Variants in GUCY2D observed in about 807,000 individuals in gnomAD.
The protein encoded by GUCY2D is guanylate cyclase 2D, retinal, also known as retinal guanylyl cyclase 1.
GUCY2D carries 70 observed loss-of-function variants against 101.3 expected under a neutral mutation model. The ratio of observed to expected loss-of-function variants is 0.69; its 90% CI spans 0.57 to 0.84. The LOEUF (loss-of-function observed/expected upper bound fraction) is 0.84, where lower values mean the gene tolerates loss of function less well. GUCY2D is among the 40% of genes least tolerant of loss of function. The pLI is 0.00. For missense variants in GUCY2D, 1,460 were observed against 1,542.5 expected (o/e 0.95, Z 0.90); for synonymous variants, 688 against 670.7 (o/e 1.03, Z -0.40).
chr17:8,003,143 C>G lies in GUCY2D; in HGVS notation c.96C>G (p.Ala32=). 6.6e-7 allele frequency: 1 copy of G among 1,509,518 alleles called. No individual in the cohort carries two copies. The highest frequency in any genetic ancestry group is 2.6e-5 in the East Asian group (1 of 38,300). 93.5% of individuals were successfully genotyped at this position (1,509,518 alleles called of 1,614,324 possible). The change falls in exon 2 of 20, where the codon GCC becomes GCG. Residue 32 remains alanine (A), a synonymous_variant. Coordinates refer to ENST00000254854, the MANE Select transcript of GUCY2D (RefSeq NM_000180.4). The part of the protein sequence containing the change: ...WAPSLPRLPR[A]LPRLPLLLLL... ...CGTCCCTGCCCCGCCTCCCCCGGGC[C>G]CTGCCCCGGCTCCCGCTCCTGCTGC...
rs61750185 is a variant in GUCY2D, at chr17:8,015,500, CG to C, written c.2944+1del. On this transcript the variant is annotated frameshift_variant and splice_region_variant, in exon 15 of 20. Transcript: ENST00000254854. LOFTEE classifies it high-confidence loss of function. ...GTGCGCATCCGCATAGGCCTGCACT[CG>C]GGTAACTCCCGGGTCTTCCCAGGCT... ...VPVRIRIGLH[S>X]GPCVAGVVGL... 361 of 1,610,570 alleles carry C rather than the reference CG, an allele frequency of 2.2e-4. 1 individual carries two copies. The highest frequency in any genetic ancestry group is 7.5e-5 in the Non-Finnish European group (88 of 1,179,004).
rs1421146833 is a variant in GUCY2D at position 8,003,082 on chromosome 17, C to T, written c.35C>T (p.Pro12Leu). 1.3e-6 allele frequency: 2 copies of T among 1,525,716 alleles called. No individual in the cohort carries two copies. The highest frequency in any genetic ancestry group is 2.0e-5 in the Admixed American group (1 of 50,150). 94.5% of individuals were successfully genotyped at this position (1,525,716 alleles called of 1,614,324 possible). A position where few individuals can be genotyped will look rare whatever the true frequency, so the allele number is the denominator to read the frequency against. ...TGCGCCCGCCGAGCGGGTGGGCTTC[C>T]GGACCCCGGGCTCTGCGGTCCCGCG... ...TACARRAGGL[P>L]DPGLCGPAWW... The change falls in exon 2 of 20, where the codon CCG becomes CTG. Residue 12 changes from proline to leucine, a missense_variant. Transcript: ENST00000254854.
In GUCY2D at chr17:8,014,349, G is replaced by A; in HGVS notation, c.2413-252G>A. ...GCCTGGGAGCCCAACGATTGGGCTG[G>A]CTCCAGTGCCCTGTCAATTACTAGC... On this transcript the variant is annotated intron_variant, in intron 12 of 19. Transcript: ENST00000254854. The surrounding 1 kb of genome is among the most constrained non-coding windows in gnomAD (Gnocchi z 4.0). 1 of 605,642 alleles carries A rather than the reference G, an allele frequency of 1.7e-6. No homozygotes were observed. The highest frequency in any genetic ancestry group is 2.9e-6 in the Non-Finnish European group (1 of 339,202). The allele number at this position is 605,642 out of a possible 1,614,324, so 37.5% of individuals were successfully genotyped here.
rs1243612187 is a variant in GUCY2D, at chr17:8,002,916, G to A, written c.-9-123G>A. On this transcript the variant is annotated intron_variant, in intron 1 of 19. Coordinates refer to ENST00000254854, the MANE Select transcript of GUCY2D (RefSeq NM_000180.4). This position sits in a 1 kb window ranked among gnomAD's most constrained non-coding sequence, Gnocchi z 4.9. ...CCAGTTAGTCTTCCCAGCCTCCGGA[G>A]GGGGCGGTAGCAGCAGAATCATCCC... The A allele has an allele frequency of 1.3e-5, 9 of 708,574 alleles. No homozygotes were observed. Among genetic ancestry groups the A allele is most frequent in the African/African-American group, 5.6e-5 (3 of 53,192 alleles). 43.9% of individuals were successfully genotyped at this position (708,574 alleles called of 1,614,324 possible).
chr17:8,007,815 C>T, intron 6 of GUCY2D, 116 bp from the exon 7 acceptor site: 1 of 728,410 alleles, frequency 1.4e-6, no homozygotes. Context: ...ATCACCTTCC[C>T]TCATTGAGAT....
intron 8 of GUCY2D, among the ~76,000 whole-genome samples, chr17:8,010,681 G>A (rs187098034): frequency 2.6e-5 from 4 of 151,864 alleles, no homozygotes; most frequent in Admixed American, 1.3e-4. Flanking sequence ...GGTGGCGGGC[G>A]CCTGTAGTCC....
In GUCY2D at chr17:8,012,457, G is replaced by T. The variant is rs750399947; in HGVS notation, c.1964G>T (p.Arg655Met). The T allele has an allele frequency of 6.2e-7, 1 of 1,613,964 alleles. No individual in the cohort carries two copies. The highest frequency in any genetic ancestry group is 1.3e-5 in the African/African-American group (1 of 74,920). Reference sequence around the variant, plus strand: ...TACCCTACCCATTCCAAGGGAATAAGGTATCTGCACCATCGAGGCGTGGCT... The same window carrying T: ...TACCCTACCCATTCCAAGGGAATAATGTATCTGCACCATCGAGGCGTGGCT... ...SLLLDLIKGI[R>M]YLHHRGVAHG... The change falls in exon 10 of 20, where the codon AGG (arginine) becomes ATG (methionine). Residue 655 changes from arginine to methionine, a missense_variant. Arg to Met is a moderately conservative substitution (Grantham distance 91). Transcript: ENST00000254854.
chr17:8,016,035 C>G lies in GUCY2D; in HGVS notation c.3138+14C>G. ...ACGGAGCTGAAGGTGAGGCAGGGCC[C>G]CAACCCCTCCCGGAGGCCCCGCCCT... On this transcript the variant is annotated intron_variant, in intron 17 of 19. Transcript: ENST00000254854. 6.3e-7 allele frequency: 1 copy of G among 1,590,330 alleles called. No individual in the cohort carries two copies. Among genetic ancestry groups the G allele is most frequent in the Non-Finnish European group, 8.6e-7 (1 of 1,167,136 alleles).
chr17:8,002,972 G>A lies in GUCY2D; in HGVS notation c.-9-67G>A, dbSNP rs1975653908. On this transcript the variant is annotated intron_variant, in intron 1 of 19. Coordinates refer to ENST00000254854, the MANE Select transcript of GUCY2D (RefSeq NM_000180.4). The surrounding 1 kb of genome is among the most constrained non-coding windows in gnomAD (Gnocchi z 4.9). ...TTACTCGGGCTTGGAGAAACTCGGG[G>A]TTACGGGGAGAACCCTAGGGGAGGC... 3 of 1,258,974 alleles carry A rather than the reference G, an allele frequency of 2.4e-6. No individual in the cohort carries two copies. Among genetic ancestry groups the A allele is most frequent in the Non-Finnish European group, 3.3e-6 (3 of 913,824 alleles). 78.0% of individuals were successfully genotyped at this position (1,258,974 alleles called of 1,614,324 possible). A position where few individuals can be genotyped will look rare whatever the true frequency, so the allele number is the denominator to read the frequency against.
Position 8,006,713 on chromosome 17 carries a change from A to T in GUCY2D, c.1377A>T (p.Gly459=). The T allele has an allele frequency of 6.2e-7, 1 of 1,600,480 alleles. No homozygotes were observed. The highest frequency in any genetic ancestry group is 8.5e-7 in the Non-Finnish European group (1 of 1,172,820). ...CWFDPNNICG[G]GLEPGLVFLG... Reference sequence around the variant, plus strand: ...TCGATCCAAACAACATCTGCGGTGGAGGTGAGGGCGAGCACCCCAGTCCCC... The same window carrying T: ...TCGATCCAAACAACATCTGCGGTGGTGGTGAGGGCGAGCACCCCAGTCCCC... Residue 459 remains glycine, a splice_region_variant and synonymous_variant, in exon 4 of 20, where the codon GGA becomes GGT. Coordinates refer to ENST00000254854, the MANE Select transcript of GUCY2D (RefSeq NM_000180.4).
In GUCY2D at chr17:8,002,978, G is replaced by A. The variant is rs879364904; in HGVS notation, c.-9-61G>A. On this transcript the variant is annotated intron_variant, in intron 1 of 19. Transcript: ENST00000254854. This position sits in a 1 kb window ranked among gnomAD's most constrained non-coding sequence, Gnocchi z 4.9. ...GGGCTTGGAGAAACTCGGGGTTACG[G>A]GGAGAACCCTAGGGGAGGCCGGGGT... 2.3e-5 allele frequency: 30 copies of A among 1,310,256 alleles called. No individual in the cohort carries two copies. The highest frequency in any genetic ancestry group is 2.8e-5 in the Non-Finnish European group (27 of 956,400). 81.2% of individuals were successfully genotyped at this position (1,310,256 alleles called of 1,614,324 possible). A position where few individuals can be genotyped will look rare whatever the true frequency, so the allele number is the denominator to read the frequency against.
At position 8,006,624 on chromosome 17, in the gene GUCY2D, G is replaced by A. The variant is rs147586061; in HGVS notation, c.1288G>A (p.Ala430Thr). ...TCCTGCCCGGGGCTCCTTCCTCTCC[G>A]CCGGTACCCGGATGCACTTCCCGCG... ...LDPARGSFLS[A>T]GTRMHFPRGG... Residue 430 changes from alanine (A) to threonine (T), a missense_variant, in exon 4 of 20, where the codon GCC becomes ACC. Physicochemically the swap from Ala to Thr is moderately conservative, Grantham distance 58. This residue lies in a region of GUCY2D where 1,196 missense variants were observed against 1,229.6 expected (regional missense o/e 0.97). Transcript: ENST00000254854. 1.6e-5 allele frequency: 26 copies of A among 1,612,612 alleles called. No individual in the cohort carries two copies. The highest frequency in any genetic ancestry group is 1.7e-4 in the Middle Eastern group (1 of 5,994).
chr17:8,014,047 G>A lies in GUCY2D; in HGVS notation c.2412+19G>A. The stretch of plus-strand genomic sequence containing the variant: ...CGACCTGGTCAGGGGCTGGGAGTGG[G>A]CAAGGACTGGGCTGGCCTCTGGGAT... On this transcript the variant is annotated intron_variant, in intron 12 of 19. Transcript: ENST00000254854. The surrounding 1 kb of genome is among the most constrained non-coding windows in gnomAD (Gnocchi z 4.0). 6.2e-7 allele frequency: 1 copy of A among 1,607,800 alleles called. No homozygotes were observed.
At position 8,013,332 on chromosome 17, in the gene GUCY2D, A is replaced by G; in HGVS notation, c.2263+80A>G. The G allele has an allele frequency of 1.1e-5, 16 of 1,402,734 alleles. 1 individual carries two copies. In the South Asian group the frequency reaches 1.8e-4, roughly 16 times the overall value. The allele number at this position is 1,402,734 out of a possible 1,614,324, so 86.9% of individuals were successfully genotyped here. On this transcript the variant is annotated intron_variant, in intron 11 of 19. Transcript: ENST00000254854. This position sits in a 1 kb window ranked among gnomAD's most constrained non-coding sequence, Gnocchi z 5.0. Reference sequence around the variant, plus strand: ...AAGAGCCAGCCTCACTCTTTCCTCTAAAGCAAAGCCCAGTGATGAAACTCA... The same window carrying G: ...AAGAGCCAGCCTCACTCTTTCCTCTGAAGCAAAGCCCAGTGATGAAACTCA...
chr17:8,004,548 C>T (rs1197512242), intron 3 of GUCY2D, among the ~76,000 whole-genome samples: 1 of 152,062 alleles, frequency 6.6e-6, no homozygotes, highest in African/African-American at 2.4e-5. Flanking sequence ...AGAGGTATTT[C>T]CTCTGGGGCC....
chr17:8,012,620 G>A lies in GUCY2D; in HGVS notation c.2113+14G>A, dbSNP rs1279650891. On this transcript the variant is annotated intron_variant, in intron 10 of 19. Transcript: ENST00000254854. ...CCAGAGCGGAGGGTAAGAGTCCCCT[G>A]TGCAGACGAGGATCCACCGGGATCC... 3 of 1,606,002 alleles carry A rather than the reference G, an allele frequency of 1.9e-6. No homozygotes were observed. Among genetic ancestry groups the A allele is most frequent in the African/African-American group, 2.7e-5 (2 of 74,900 alleles).
At position 8,013,561 on chromosome 17, in the gene GUCY2D, A is replaced by G; in HGVS notation, c.2263+309A>G. The G allele has an allele frequency of 1.8e-6, 1 of 570,172 alleles. No homozygotes were observed. The allele number at this position is 570,172 out of a possible 1,614,324, so 35.3% of individuals were successfully genotyped here. ...TCCCTGGGAGGAGCAGGGGAGGGGGAGTGGGTGCATCCCTTCTGCACAGGA... is the reference window on the plus strand; with the variant it reads ...TCCCTGGGAGGAGCAGGGGAGGGGGGGTGGGTGCATCCCTTCTGCACAGGA... On this transcript the variant is annotated intron_variant, in intron 11 of 19. Coordinates refer to ENST00000254854, the MANE Select transcript of GUCY2D (RefSeq NM_000180.4). The surrounding 1 kb of genome is among the most constrained non-coding windows in gnomAD (Gnocchi z 5.0).
At chr17:8,015,892 G>A in intron 16 of GUCY2D, 35 bp from the exon 17 acceptor site, 1 of 1,596,162 alleles carries the variant, frequency 6.3e-7, no homozygotes, top group Non-Finnish European at 8.6e-7. Flanking sequence ...CACGGGAGGT[G>A]AGTCCCGAGC....
At position 8,009,488 on chromosome 17, in the gene GUCY2D, C is replaced by A; in HGVS notation, c.1669-18C>A. ...TTTTAAGAGACTGAGTTCCCTACCC[C>A]CATCCTCTTTGCTGCAGGGAGACAG... On this transcript the variant is annotated intron_variant, in intron 7 of 19. Coordinates refer to ENST00000254854, the MANE Select transcript of GUCY2D (RefSeq NM_000180.4). The A allele has an allele frequency of 6.4e-7, 1 of 1,559,510 alleles. No homozygotes were observed. Among genetic ancestry groups the A allele is most frequent in the Non-Finnish European group, 8.8e-7 (1 of 1,130,136 alleles).
Sources: allele counts gnomAD v4.1 joint callset (sites outside exome capture counted in the v4.1 genomes callset), GRCh38; gene constraint gnomAD v4.1.1; regional missense constraint gnomAD v4.1.1; non-coding constraint Gnocchi (gnomAD v3.1); transcripts MANE v1.5; gene names NCBI Gene and HGNC (gene_info 2026-07-23, HGNC 2026-07-21).